DNAH8: variants seen among roughly 807,000 people sequenced by gnomAD.
The protein encoded by DNAH8 is axonemal beta dynein heavy chain 8.
Under a neutral mutation model 562.1 loss-of-function variants are expected in DNAH8, and 382 were observed. The ratio of observed to expected loss-of-function variants is 0.68; its 90% confidence interval spans 0.63 to 0.74. DNAH8 has a LOEUF of 0.74. Ranked by LOEUF, DNAH8 falls within the 30% of genes least tolerant of loss-of-function variation. The probability of loss-of-function intolerance (pLI) is 0.00; values close to 1 mark genes in which losing one functional copy is unlikely to be tolerated. For synonymous variants in DNAH8, 1,881 were observed against 1,919.4 expected (o/e 0.98, Z 0.52); for missense variants, 5,203 against 5,620.4 (o/e 0.93, Z 2.37).
rs747982513 is a variant in DNAH8, at chr6:38,842,748, C to T, written c.4690C>T (p.Pro1564Ser). The T allele has an allele frequency of 1.3e-5, 21 of 1,613,806 alleles. No homozygotes were observed. The East Asian group carries it at 3.8e-4, about 29-fold the overall frequency. ...KRIDDFSESC[P>S]LLEMMTNKAM... Reference sequence around the variant, plus strand: ...AATTGATGATTTCAGTGAGTCATGTCCTCTACTGGAAATGATGACCAATAA... The same window carrying T: ...AATTGATGATTTCAGTGAGTCATGTTCTCTACTGGAAATGATGACCAATAA... Residue 1564 changes from proline to serine, a missense_variant, in exon 35 of 93, where the codon CCT (proline) becomes TCT (serine). By Grantham distance (74) the Pro-to-Ser change is moderately conservative. Around this residue, in one of 6 missense-constraint regions of DNAH8, gnomAD observed 2,176 missense variants for 2,365.1 expected, o/e 0.92. Transcript: ENST00000327475.
chr6:38,824,969 A>AT (rs1222598136), intron 28 of DNAH8, among the ~76,000 whole-genome samples: 3 of 152,132 alleles, frequency 2.0e-5, no homozygotes, highest in Non-Finnish European at 4.4e-5. Context: ...TGTATCTATT[A>AT]TTTTTTAAAA....
chr6:38,717,060 A>G (rs1357240689), intron 1 of DNAH8, among the ~76,000 whole-genome samples: 1 of 152,200 alleles, frequency 6.6e-6, no homozygotes, highest in Non-Finnish European at 1.5e-5. Flanking sequence ...AAACCAAAAA[A>G]GAACAGCCAA....
chr6:38,943,502 A>G (rs191122116), intron 79 of DNAH8, among the ~76,000 whole-genome samples: 1 of 152,268 alleles, frequency 6.6e-6, no homozygotes, highest in East Asian at 1.9e-4. Context: ...GTTTGTTTCA[A>G]TTACTACTTG....
intron 11 of DNAH8, chr6:38,763,422 C>A: frequency 3.2e-6 from 1 of 310,104 alleles, no homozygotes; most frequent in Non-Finnish European, 6.2e-6. Flanking sequence ...AAAAGAAGAA[C>A]AGAGCAACAA....
At chr6:38,720,955 T>A (rs72856585) in intron 1 of DNAH8, among the ~76,000 whole-genome samples, 25,449 of 152,078 alleles carry the variant, frequency 0.17, 2,692 homozygotes, top group Middle Eastern at 0.27. Flanking sequence ...AAAAACTTAT[T>A]AGAGGTTCTC....
intron 1 of DNAH8, among the ~76,000 whole-genome samples, chr6:38,722,369 C>T (rs1762821740): frequency 6.6e-6 from 1 of 152,154 alleles, no homozygotes; most frequent in Admixed American, 6.5e-5. Context: ...GTCTCTTGCA[C>T]AGTGAGTACC....
intron 86 of DNAH8, among the ~76,000 whole-genome samples, chr6:38,983,209 A>G (rs1372319772): frequency 4.6e-5 from 7 of 152,242 alleles, no homozygotes; most frequent in African/African-American, 1.7e-4. Flanking sequence ...GTGAGGAACG[A>G]ATGAGTTAGT....
intron 32 of DNAH8, 109 bp downstream of exon 32, chr6:38,834,750 T>A: frequency 2.5e-6 from 2 of 807,220 alleles, no homozygotes; most frequent in East Asian, 5.1e-5. Context: ...TTCAAGTACA[T>A]CAGTCCTTAA....
chr6:38,749,895 G>A (rs577642691), intron 8 of DNAH8, among the ~76,000 whole-genome samples: 2 of 152,192 alleles, frequency 1.3e-5, no homozygotes, highest in South Asian at 2.1e-4. Flanking sequence ...GCAGTGGCGC[G>A]ATCTCTGGCT....
At chr6:38,888,371 TAAAG>T (rs1779104277) in intron 57 of DNAH8, among the ~76,000 whole-genome samples, 1 of 151,238 alleles carries the variant, frequency 6.6e-6, no homozygotes, top group Non-Finnish European at 1.5e-5. Context: ...AGCACAAAAA[TAAAG>T]AAAAAAAATA....
At chr6:38,734,325 G>GAA in intron 4 of DNAH8, 149 bp from the exon 5 acceptor site, 2 of 594,350 alleles carry the variant, frequency 3.4e-6, no homozygotes, top group South Asian at 2.5e-5. Flanking sequence ...TCTTCTAGTA[G>GAA]ACCCCCCCCC....
At chr6:38,937,783 G>C (rs1405634307) in intron 77 of DNAH8, among the ~76,000 whole-genome samples, 191 bp from the exon 78 acceptor site, 4 of 152,122 alleles carry the variant, frequency 2.6e-5, no homozygotes, top group Non-Finnish European at 4.4e-5. Context: ...TGTTCAGAAG[G>C]CTTCAGGTAT....
chr6:38,976,923 T>C (rs776104752), intron 85 of DNAH8, among the ~76,000 whole-genome samples: 1 of 152,150 alleles, frequency 6.6e-6, no homozygotes, highest in Non-Finnish European at 1.5e-5. Context: ...CTGGAGTTCA[T>C]CCCACATTAC....
At chr6:38,795,330 A>T (rs1770131533) in intron 21 of DNAH8, among the ~76,000 whole-genome samples, 1 of 152,236 alleles carries the variant, frequency 6.6e-6, no homozygotes, top group Non-Finnish European at 1.5e-5. Flanking sequence ...CCGTAATCCC[A>T]GCACTTTGGG....
At chr6:38,977,597 A>G (rs1055301849) in intron 85 of DNAH8, among the ~76,000 whole-genome samples, 7 of 152,216 alleles carry the variant, frequency 4.6e-5, no homozygotes, top group African/African-American at 1.7e-4. Context: ...TGTAGCATCC[A>G]GTGTAGCATC....
chr6:38,800,263 C>A (rs1482981356), intron 21 of DNAH8, among the ~76,000 whole-genome samples: 5 of 151,472 alleles, frequency 3.3e-5, no homozygotes, highest in Non-Finnish European at 7.4e-5. Context: ...GTATGTATAC[C>A]TAGGAATGGA....
At chr6:38,837,471 G>C (rs1361500978) in intron 32 of DNAH8, among the ~76,000 whole-genome samples, 1 of 152,154 alleles carries the variant, frequency 6.6e-6, no homozygotes, top group Non-Finnish European at 1.5e-5. Context: ...TAAGTTGTTA[G>C]AATTATTTCA....
At chr6:38,869,843 G>A (rs1777329384) in intron 48 of DNAH8, among the ~76,000 whole-genome samples, 1 of 152,210 alleles carries the variant, frequency 6.6e-6, no homozygotes. Context: ...CAGGATTGTA[G>A]AACACATTGA....
chr6:38,850,154 G>A (rs1775627572), intron 37 of DNAH8, 97 bp from the exon 38 acceptor site: 3 of 1,146,864 alleles, frequency 2.6e-6, no homozygotes, highest in Non-Finnish European at 3.7e-6. Context: ...ACTAATAGAG[G>A]CTGGTTTGAA....
Sources: gnomAD v4.1 joint callset for allele counts (sites outside exome capture counted in the v4.1 genomes callset) on GRCh38, gnomAD v4.1.1 for gene constraint, gnomAD v4.1.1 regional missense constraint, MANE v1.5 for transcripts, NCBI Gene and HGNC (gene_info 2026-07-23, HGNC 2026-07-21) for gene names.